ADCY2: variants seen among roughly 807,000 people sequenced by gnomAD.
ADCY2 encodes the protein adenylate cyclase 2.
Under a neutral mutation model 125.2 loss-of-function variants are expected in ADCY2, and 31 were observed. The observed-to-expected ratio is 0.25, with a 90% confidence interval of 0.19 to 0.33. The LOEUF is 0.33. ADCY2 is among the 10% of genes least tolerant of loss of function. The probability of loss-of-function intolerance (pLI) is 1.00; values close to 1 mark genes in which losing one functional copy is unlikely to be tolerated. For synonymous variants in ADCY2, 512 were observed against 548.4 expected (o/e 0.93, Z 0.93); for missense variants, 904 against 1,418.2 (o/e 0.64, Z 5.82).
At position 7,789,677 on chromosome 5, in the gene ADCY2, G is replaced by A. The variant is rs1045326482; in HGVS notation, c.2505G>A (p.Lys835=). 3.1e-6 allele frequency: 5 copies of A among 1,614,006 alleles called. No individual in the cohort carries two copies. The South Asian group carries it at 4.4e-5, about 14-fold the overall frequency. The change falls in exon 20 of 25, where the codon AAG becomes AAA. Residue 835 remains lysine, a synonymous_variant. Coordinates refer to ENST00000338316, the MANE Select transcript of ADCY2 (RefSeq NM_020546.3). ...EYYCRLDFLW[K]NKFKKEREEI... ...ACTGTAGGTTAGACTTCTTATGGAA[G>A]AACAAATTCAAAAAAGAGCGGGAGG...
intron 14 of ADCY2, among the ~76,000 whole-genome samples, chr5:7,743,400 T>A (rs1742500145): frequency 6.6e-6 from 1 of 151,762 alleles, no homozygotes; most frequent in Non-Finnish European, 1.5e-5. Context: ...GGCGAGTCAT[T>A]TAAAAAGATT....
chr5:7,402,623 A>G (rs1739306910), intron 1 of ADCY2, among the ~76,000 whole-genome samples: 1 of 152,340 alleles, frequency 6.6e-6, no homozygotes, highest in African/African-American at 2.4e-5. Flanking sequence ...GAATGAAAAC[A>G]CAGACCTGAC....
chr5:7,824,173 G>C (rs1561046816), intron 24 of ADCY2, among the ~76,000 whole-genome samples: 1 of 152,106 alleles, frequency 6.6e-6, no homozygotes, highest in Non-Finnish European at 1.5e-5. Context: ...CTTCTCCTAG[G>C]CCTGAGGAAC....
intron 3 of ADCY2, among the ~76,000 whole-genome samples, chr5:7,608,353 G>A (rs1393364160): frequency 2.0e-5 from 3 of 152,190 alleles, no homozygotes; most frequent in East Asian, 3.9e-4. Context: ...AGGCCAAGGC[G>A]GGCAGATTGC....
intron 3 of ADCY2, among the ~76,000 whole-genome samples, chr5:7,589,117 C>G (rs1255786000): frequency 6.6e-6 from 1 of 152,020 alleles, no homozygotes; most frequent in Non-Finnish European, 1.5e-5. Context: ...TGTAATGGTC[C>G]TTAATAGCCA....
At chr5:7,591,548 A>G (rs1032982292) in intron 3 of ADCY2, among the ~76,000 whole-genome samples, 27 of 152,250 alleles carry the variant, frequency 1.8e-4, no homozygotes, top group African/African-American at 5.8e-4. Context: ...GTCTACCTCA[A>G]AGTACTAAAA....
In ADCY2 at chr5:7,709,772, A is replaced by G. The variant is rs749614800; in HGVS notation, c.1578+385A>G. Among the ~76,000 whole-genome samples, 15 of 152,240 alleles carry G rather than the reference A, an allele frequency of 9.9e-5. No individual in the cohort carries two copies. Among genetic ancestry groups the G allele is most frequent in the Non-Finnish European group, 2.1e-4 (14 of 68,046 alleles). On this transcript the variant is annotated intron_variant, in intron 10 of 24. Coordinates refer to ENST00000338316, the MANE Select transcript of ADCY2 (RefSeq NM_020546.3). The surrounding 1 kb of genome is among the most constrained non-coding windows in gnomAD (Gnocchi z 4.4). ...ATGCCCTTGGAGTTTAAGTAGTATC[A>G]TCAAGCCCATTTCTTCATTGCCCAA...
intron 18 of ADCY2, among the ~76,000 whole-genome samples, chr5:7,774,424 T>C (rs912452190): frequency 3.3e-5 from 5 of 152,248 alleles, no homozygotes; most frequent in Non-Finnish European, 2.9e-5. Context: ...CTGTGTTGTA[T>C]TCCTAAATAA....
At chr5:7,630,305 G>C (rs1414712172) in intron 4 of ADCY2, among the ~76,000 whole-genome samples, 1 of 152,150 alleles carries the variant, frequency 6.6e-6, no homozygotes, top group African/African-American at 2.4e-5. Flanking sequence ...TGTGATAGCA[G>C]GTATTATAAC....
At chr5:7,783,179 CTG>C (rs1441686885) in intron 18 of ADCY2, among the ~76,000 whole-genome samples, 1 of 152,150 alleles carries the variant, frequency 6.6e-6, no homozygotes, top group African/African-American at 2.4e-5. Flanking sequence ...ATTCTCCAGT[CTG>C]TGTTTCCTTA....
At chr5:7,724,450 A>T in intron 12 of ADCY2, 95 bp from the exon 13 acceptor site, 2 of 958,242 alleles carry the variant, frequency 2.1e-6, no homozygotes, top group South Asian at 2.8e-5. Flanking sequence ...ATGATACACA[A>T]TAAAGAAAGA....
chr5:7,682,132 A>T (rs1305706275), intron 4 of ADCY2, among the ~76,000 whole-genome samples: 3 of 152,238 alleles, frequency 2.0e-5, no homozygotes, highest in Non-Finnish European at 4.4e-5. Flanking sequence ...ATTAAGCAAG[A>T]CAATACTTAG....
chr5:7,749,417 TG>T (rs1742733267), intron 15 of ADCY2, among the ~76,000 whole-genome samples: 1 of 152,198 alleles, frequency 6.6e-6, no homozygotes, highest in South Asian at 2.1e-4. Context: ...TATTTGATAA[TG>T]AAAATAATCC....
chr5:7,512,712 G>A (rs1744113620), intron 2 of ADCY2, among the ~76,000 whole-genome samples: 1 of 152,122 alleles, frequency 6.6e-6, no homozygotes, highest in South Asian at 2.1e-4. Context: ...ATCCACTATG[G>A]TATATGAACA....
At chr5:7,470,596 T>C (rs554945666) in intron 2 of ADCY2, among the ~76,000 whole-genome samples, 1 of 148,130 alleles carries the variant, frequency 6.8e-6, no homozygotes, top group Admixed American at 6.8e-5. Context: ...AATTGTATAT[T>C]AGGCTATTTA....
intron 4 of ADCY2, among the ~76,000 whole-genome samples, chr5:7,627,944 G>T (rs1057311358): frequency 3.3e-5 from 5 of 152,172 alleles, no homozygotes; most frequent in Non-Finnish European, 7.4e-5. Flanking sequence ...TATAGCAAAG[G>T]TATTCAGGAA....
intron 4 of ADCY2, among the ~76,000 whole-genome samples, chr5:7,674,558 TTTTTAAAACAC>T (rs1579303011): frequency 6.6e-6 from 1 of 152,226 alleles, no homozygotes; most frequent in East Asian, 1.9e-4. Flanking sequence ...TTTTATTCAT[TTTTTAAAACAC>T]TTTCTGTGTT....
chr5:7,627,297 G>A (rs1243556295), intron 4 of ADCY2, among the ~76,000 whole-genome samples: 1 of 152,188 alleles, frequency 6.6e-6, no homozygotes, highest in African/African-American at 2.4e-5. Flanking sequence ...AAGCATTACA[G>A]AAAACAAACA....
At chr5:7,674,547 A>AT (rs1233032001) in intron 4 of ADCY2, among the ~76,000 whole-genome samples, 24 of 152,200 alleles carry the variant, frequency 1.6e-4, no homozygotes, top group African/African-American at 5.8e-4. Flanking sequence ...AAACTGTTCC[A>AT]TTTTATTCAT....
Sources: allele counts gnomAD v4.1 joint callset (sites outside exome capture counted in the v4.1 genomes callset), GRCh38; gene constraint gnomAD v4.1.1; non-coding constraint Gnocchi (gnomAD v3.1); transcripts MANE v1.5; gene names NCBI Gene and HGNC (gene_info 2026-07-23, HGNC 2026-07-21).